RBFOX1: variants seen among roughly 807,000 people sequenced by gnomAD.
RBFOX1 encodes the protein RNA binding protein fox-1 homolog 1.
A neutral mutation model predicts 57.7 loss-of-function variants in RBFOX1; 8 were observed. That is an observed-to-expected ratio of 0.14 (90% CI 0.08 to 0.25). The LOEUF (loss-of-function observed/expected upper bound fraction) is 0.25, where lower values mean the gene tolerates loss of function less well. Among genes scored for constraint, RBFOX1 ranks in the 10% least tolerant of loss-of-function variants. The pLI, the probability that RBFOX1 is intolerant of heterozygous loss-of-function variation, is 1.00. For synonymous variants in RBFOX1, 326 were observed against 222.4 expected (o/e 1.47, Z -4.15); for missense variants, 611 against 548.5 (o/e 1.11, Z -1.14).
rs1437512405 is a variant in RBFOX1, at chr16:7,315,467, C to G, written c.28-202680C>G. On this transcript the variant is annotated intron_variant, in intron 4 of 15. Transcript: ENST00000550418. ...CCCTACTCTACCCTACCCCCCCCCC[C>G]ATACTGGGGGCTTGAATTTCTTTTA... is the stretch of plus-strand genomic sequence containing the variant. Among the ~76,000 whole-genome samples, 3 of 149,898 alleles carry G rather than the reference C, an allele frequency of 2.0e-5. No individual in the cohort carries two copies. The East Asian group carries it at 5.8e-4, about 29-fold the overall frequency.
intron 14 of RBFOX1, among the ~76,000 whole-genome samples, chr16:7,689,648 A>G (rs536763849): frequency 6.6e-6 from 1 of 152,218 alleles, no homozygotes; most frequent in East Asian, 1.9e-4. Context: ...GGAGTGGAAG[A>G]GAGGTAGAAT....
chr16:6,791,391 A>G (rs1373775139), intron 3 of RBFOX1, among the ~76,000 whole-genome samples: 1 of 152,178 alleles, frequency 6.6e-6, no homozygotes, highest in Admixed American at 6.5e-5. Context: ...TGGCTGTCTA[A>G]TAGGTGCAGC....
Position 6,761,146 on chromosome 16 carries a change from A to T in RBFOX1, c.-16+106496A>T, listed in dbSNP as rs377119199. ...TGCCTTAGAAATTTTCATCATGATG[A>T]CTTTGATCAAATTGTAAATGTGAAT... On this transcript the variant is annotated intron_variant, in intron 3 of 15. Coordinates refer to ENST00000550418, the MANE Select transcript of RBFOX1 (RefSeq NM_018723.4). Among the ~76,000 whole-genome samples the T allele has an allele frequency of 4.6e-5, 7 of 152,320 alleles. No individual in the cohort carries two copies. In the East Asian group the frequency reaches 1.3e-3, roughly 29 times the overall value.
intron 1 of RBFOX1, among the ~76,000 whole-genome samples, chr16:6,061,506 T>C (rs4786080): frequency 0.55 from 82,817 of 151,262 alleles, 23,187 homozygotes; most frequent in Non-Finnish European, 0.61. Context: ...GGTAATATAG[T>C]ATATTGTTAC....
At chr16:5,494,953 G>A (rs554598403) in intron 2 of RBFOX1, among the ~76,000 whole-genome samples, 10 of 152,292 alleles carry the variant, frequency 6.6e-5, no homozygotes, top group African/African-American at 1.7e-4. Context: ...ATAATACAGC[G>A]TGGTCGCAGG....
rs191069557 is a variant in RBFOX1, at chr16:5,393,450, G to A, written c.220-73766G>A. ...TTCAGTGGTTAAGCAAATATGCCTT[G>A]CTTGTGATGTTGACAAAGTTGGAAG... On this transcript the variant is annotated intron_variant, in intron 1 of 2. Transcript: ENST00000585867. Among the ~76,000 whole-genome samples the A allele has an allele frequency of 3.3e-3, 507 of 152,286 alleles. 2 individuals carry two copies. Among genetic ancestry groups the A allele is most frequent in the Non-Finnish European group, 4.6e-3 (311 of 68,024 alleles).
intron 4 of RBFOX1, chr16:7,333,238 G>T: frequency 1.4e-6 from 1 of 695,080 alleles, no homozygotes; most frequent in Non-Finnish European, 2.5e-6. Flanking sequence ...CAAAAAGATG[G>T]ATCACCCTAA....
intron 3 of RBFOX1, among the ~76,000 whole-genome samples, chr16:5,847,818 T>G (rs2056795126): frequency 6.6e-6 from 1 of 152,138 alleles, no homozygotes; most frequent in African/African-American, 2.4e-5. Context: ...ATGAAGACTG[T>G]AGGGTGTTTC....
chr16:6,012,846 GA>G (rs1043555362), intron 4 of RBFOX1, among the ~76,000 whole-genome samples: 8 of 151,870 alleles, frequency 5.3e-5, no homozygotes, highest in Non-Finnish European at 1.0e-4. Context: ...TGGAAGTAAA[GA>G]AAAAAATGTA....
intron 3 of RBFOX1, among the ~76,000 whole-genome samples, chr16:6,681,492 C>T (rs1603389201): frequency 6.9e-6 from 1 of 145,736 alleles, no homozygotes; most frequent in South Asian, 2.3e-4. Context: ...GTTCTGTGAT[C>T]AATTAGTGAT....
chr16:5,246,210 TC>T (rs1567230893), intron 1 of RBFOX1, among the ~76,000 whole-genome samples: 4 of 152,268 alleles, frequency 2.6e-5, no homozygotes, highest in Non-Finnish European at 2.9e-5. Context: ...CCACTGCACT[TC>T]AGCCAGCCTG....
chr16:6,335,572 G>A (rs530847236), intron 2 of RBFOX1, among the ~76,000 whole-genome samples: 41 of 151,904 alleles, frequency 2.7e-4, no homozygotes, highest in Non-Finnish European at 4.4e-4. Context: ...GAGGTCAAGA[G>A]ATTGAGACCC....
At chr16:6,970,235 C>A (rs1031631083) in intron 3 of RBFOX1, among the ~76,000 whole-genome samples, 23 of 150,204 alleles carry the variant, frequency 1.5e-4, no homozygotes, top group Non-Finnish European at 1.6e-4. Context: ...CATGAAAAAC[C>A]AAAAAAAAAG....
intron 3 of RBFOX1, among the ~76,000 whole-genome samples, chr16:6,660,266 A>G (rs548943669): frequency 3.0e-4 from 46 of 151,736 alleles, no homozygotes; most frequent in South Asian, 2.1e-4. Flanking sequence ...CTTAAAGAGT[A>G]TTACGGAAAA....
intron 4 of RBFOX1, among the ~76,000 whole-genome samples, chr16:7,160,423 C>A (rs560459964): frequency 6.6e-6 from 1 of 151,726 alleles, no homozygotes; most frequent in Non-Finnish European, 1.5e-5. Flanking sequence ...CCTTTTCCTT[C>A]CTTCTTTCGT....
chr16:5,829,915 A>C (rs747054978), intron 3 of RBFOX1, among the ~76,000 whole-genome samples: 6 of 152,170 alleles, frequency 3.9e-5, no homozygotes, highest in East Asian at 1.9e-4. Flanking sequence ...TAGGTGACTT[A>C]CTGGCATAGA....
chr16:6,703,368 G>C (rs983205977), intron 3 of RBFOX1, among the ~76,000 whole-genome samples: 33 of 151,966 alleles, frequency 2.2e-4, no homozygotes, highest in African/African-American at 8.0e-4. Flanking sequence ...GAGCCCAGGG[G>C]TTTGAGGCCA....
intron 1 of RBFOX1, among the ~76,000 whole-genome samples, chr16:5,295,963 T>C (rs2063656760): frequency 6.6e-6 from 1 of 152,240 alleles, no homozygotes; most frequent in South Asian, 2.1e-4. Context: ...AGTAAGGACT[T>C]CATAAATATT....
chr16:7,288,496 A>C (rs2095694655), intron 4 of RBFOX1, among the ~76,000 whole-genome samples: 1 of 152,200 alleles, frequency 6.6e-6, no homozygotes. Context: ...AATGAATGTA[A>C]AACCCTTGGC....
Sources: gnomAD v4.1 joint callset for allele counts (sites outside exome capture counted in the v4.1 genomes callset) on GRCh38, gnomAD v4.1.1 for gene constraint, MANE v1.5 for transcripts, NCBI Gene and HGNC (gene_info 2026-07-23, HGNC 2026-07-21) for gene names.